Variants in APBA1 observed in about 807,000 individuals in gnomAD.
The protein encoded by APBA1 is amyloid beta precursor protein binding family A member 1, also known as amyloid-beta A4 precursor protein-binding family A member 1.
In APBA1, 55 loss-of-function variants were observed where a neutral mutation model predicts 86.6. The observed-to-expected ratio is 0.64, with a 90% CI of 0.51 to 0.80. The LOEUF (loss-of-function observed/expected upper bound fraction) is 0.80. Ranked by LOEUF, APBA1 falls within the 30% of genes least tolerant of loss-of-function variation. The pLI is 0.00. For synonymous variants in APBA1, 511 were observed against 493.9 expected (o/e 1.03, Z -0.46); for missense variants, 1,090 against 1,183.0 (o/e 0.92, Z 1.15).
chr9:69,514,131 T>C lies in APBA1; in HGVS notation c.1200+1880A>G, dbSNP rs373354199. 5.3e-5 allele frequency among the ~76,000 whole-genome samples: 8 copies of C among 152,334 alleles called. No individual in the cohort carries two copies. In the South Asian group the frequency reaches 1.2e-3, roughly 24 times the overall value. On this transcript the variant is annotated intron_variant, in intron 2 of 12. Transcript: ENST00000265381. ...TCACATTTCTTAGGTATTTCAAAAA[T>C]GGAAAATGTCAATAGTGGCATCAGT...
At chr9:69,664,129 T>G (rs1182650290) in intron 1 of APBA1, among the ~76,000 whole-genome samples, 1 of 152,198 alleles carries the variant, frequency 6.6e-6, no homozygotes, top group South Asian at 2.1e-4. Flanking sequence ...TTGGAGAAGA[T>G]AGCCGGAAAT....
intron 1 of APBA1, among the ~76,000 whole-genome samples, chr9:69,530,764 G>A (rs972706196): frequency 6.6e-6 from 1 of 151,922 alleles, no homozygotes; most frequent in African/African-American, 2.4e-5. Context: ...ACAGCATAGG[G>A]AAGACTGAGG....
chr9:69,434,299 A>G (rs1007026514), intron 11 of APBA1, among the ~76,000 whole-genome samples: 24 of 151,982 alleles, frequency 1.6e-4, no homozygotes, highest in African/African-American at 5.8e-4. Context: ...TCACAGAAAC[A>G]CTGGGTTCTG....
chr9:69,570,674 C>A (rs1459869325), intron 1 of APBA1, among the ~76,000 whole-genome samples: 1 of 152,066 alleles, frequency 6.6e-6, no homozygotes, highest in Admixed American at 6.5e-5. Context: ...AGAATAGCCC[C>A]CTTTGTCTTT....
intron 8 of APBA1, among the ~76,000 whole-genome samples, chr9:69,452,859 ATC>A (rs1345431045): frequency 6.6e-6 from 1 of 152,252 alleles, no homozygotes; most frequent in African/African-American, 2.4e-5. Flanking sequence ...CTGCTGTGAT[ATC>A]TGTGTTGCCG....
intron 1 of APBA1, among the ~76,000 whole-genome samples, chr9:69,577,385 G>A (rs983472020): frequency 2.0e-5 from 3 of 152,170 alleles, no homozygotes; most frequent in African/African-American, 7.2e-5. Context: ...CTCTGGACTG[G>A]ACCAGCCCCA....
At chr9:69,444,765 C>T (rs1564031293) in intron 10 of APBA1, among the ~76,000 whole-genome samples, 1 of 152,308 alleles carries the variant, frequency 6.6e-6, no homozygotes, top group East Asian at 1.9e-4. Flanking sequence ...TCCTCCTTTC[C>T]ATCCACCTAA....
At chr9:69,640,716 G>T (rs1034960762) in intron 1 of APBA1, among the ~76,000 whole-genome samples, 1 of 151,966 alleles carries the variant, frequency 6.6e-6, no homozygotes, top group East Asian at 1.9e-4. Flanking sequence ...TTCAGAAAAA[G>T]CATTTCACAA....
chr9:69,578,351 G>A (rs1284043294), intron 1 of APBA1, among the ~76,000 whole-genome samples: 8 of 152,312 alleles, frequency 5.3e-5, no homozygotes, highest in Middle Eastern at 6.8e-3. Context: ...GTGAGCATGC[G>A]CTGATAGGTA....
intron 1 of APBA1, among the ~76,000 whole-genome samples, chr9:69,519,899 A>G (rs1836225318): frequency 6.6e-6 from 1 of 152,218 alleles, no homozygotes; most frequent in Non-Finnish European, 1.5e-5. Flanking sequence ...TTGCGTGTAT[A>G]TACACTAAAC....
Position 69,631,619 on chromosome 9 carries a change from C to T in APBA1, c.-70+40534G>A, listed in dbSNP as rs149773702. On this transcript the variant is annotated intron_variant, in intron 1 of 12. Coordinates refer to ENST00000265381, the MANE Select transcript of APBA1 (RefSeq NM_001163.4). Reference sequence around the variant, plus strand: ...GACACATGCATACGCATGTTTATTGCGGCACTATTCACAATAGCAAAGACT... The same window carrying T: ...GACACATGCATACGCATGTTTATTGTGGCACTATTCACAATAGCAAAGACT... 7.9e-3 allele frequency among the ~76,000 whole-genome samples: 1,202 copies of T among 152,248 alleles called. 15 individuals carry two copies. The highest frequency in any genetic ancestry group is 0.027 in the African/African-American group (1,116 of 41,538).
At chr9:69,469,332 A>G (rs1361206826) in intron 4 of APBA1, among the ~76,000 whole-genome samples, 1 of 152,332 alleles carries the variant, frequency 6.6e-6, no homozygotes, top group East Asian at 1.9e-4. Flanking sequence ...TTAAACATCA[A>G]GCTCATCTTG....
At chr9:69,627,472 A>T (rs776328687) in intron 1 of APBA1, among the ~76,000 whole-genome samples, 4 of 152,140 alleles carry the variant, frequency 2.6e-5, no homozygotes, top group Non-Finnish European at 5.9e-5. Flanking sequence ...GGACATGCTC[A>T]CTGAGTTCAT....
chr9:69,448,734 C>A (rs1834953230), intron 10 of APBA1, among the ~76,000 whole-genome samples: 1 of 152,282 alleles, frequency 6.6e-6, no homozygotes, highest in South Asian at 2.1e-4. Flanking sequence ...TTTCAGGAAA[C>A]CCCTACAGGA....
At chr9:69,648,825 T>C (rs1457649586) in intron 1 of APBA1, among the ~76,000 whole-genome samples, 1 of 152,158 alleles carries the variant, frequency 6.6e-6, no homozygotes, top group Non-Finnish European at 1.5e-5. Context: ...CCCCTTTGAA[T>C]TTGAGATCCT....
intron 1 of APBA1, among the ~76,000 whole-genome samples, chr9:69,522,070 C>CACACAT (rs527759253): frequency 2.9e-5 from 4 of 139,756 alleles, no homozygotes; most frequent in Non-Finnish European, 6.1e-5. Context: ...CCATTTTATA[C>CACACAT]ACACACACAC....
intron 2 of APBA1, among the ~76,000 whole-genome samples, chr9:69,483,645 A>G (rs1835559719): frequency 6.6e-6 from 1 of 152,180 alleles, no homozygotes; most frequent in African/African-American, 2.4e-5. Flanking sequence ...AAGAAGTTGT[A>G]TGATCCCAGC....
intron 1 of APBA1, among the ~76,000 whole-genome samples, chr9:69,545,649 G>C (rs1836686131): frequency 6.6e-6 from 1 of 152,186 alleles, no homozygotes; most frequent in Non-Finnish European, 1.5e-5. Context: ...GTTGATGTCA[G>C]AGCCTGAGCC....
chr9:69,432,717 T>G (rs745426130), intron 11 of APBA1, 41 bp from the exon 12 acceptor site: 1 of 1,449,760 alleles, frequency 6.9e-7, no homozygotes, highest in Non-Finnish European at 9.1e-7. Flanking sequence ...TTGCAGACAG[T>G]GCGGTGGGGC....
Sources: gnomAD v4.1 joint callset for allele counts (sites outside exome capture counted in the v4.1 genomes callset) on GRCh38, gnomAD v4.1.1 for gene constraint, MANE v1.5 for transcripts, NCBI Gene and HGNC (gene_info 2026-07-23, HGNC 2026-07-21) for gene names.